Variants in SNX29 observed in about 807,000 individuals in gnomAD.
SNX29 encodes the protein sorting nexin 29, also known as sorting nexin-29.
SNX29 carries 78 observed loss-of-function variants against 102.1 expected under a neutral mutation model. The ratio of observed to expected loss-of-function variants is 0.76; its 90% CI spans 0.64 to 0.92. The LOEUF is 0.92. Ranked by LOEUF, SNX29 falls within the 40% of genes least tolerant of loss-of-function variation. The pLI, the probability that SNX29 is intolerant of heterozygous loss-of-function variation, is 0.00. For synonymous variants in SNX29, 580 were observed against 414.5 expected (o/e 1.40, Z -4.85); for missense variants, 1,280 against 1,061.7 (o/e 1.21, Z -2.86).
intron 15 of SNX29, among the ~76,000 whole-genome samples, chr16:12,281,761 G>A (rs185755800): frequency 2.7e-4 from 41 of 152,222 alleles, no homozygotes; most frequent in African/African-American, 9.6e-4. Flanking sequence ...TTTCCCAAGA[G>A]TCCTTAGCTG....
At chr16:12,227,208 C>T (rs1451688934) in intron 14 of SNX29, among the ~76,000 whole-genome samples, 2 of 152,148 alleles carry the variant, frequency 1.3e-5, no homozygotes, top group Admixed American at 6.5e-5. Context: ...ATTTTACTTC[C>T]CTTGTCATCC....
At chr16:12,366,381 C>T (rs1319969630) in intron 16 of SNX29, among the ~76,000 whole-genome samples, 3 of 152,180 alleles carry the variant, frequency 2.0e-5, no homozygotes, top group East Asian at 3.8e-4. Context: ...TATTTTCCGA[C>T]GAGTGCATCT....
rs1016956274 is a variant in SNX29 at position 12,328,586 on chromosome 16, G to C, written c.1783-27577G>C. On this transcript the variant is annotated intron_variant, in intron 15 of 20. Transcript: ENST00000566228. ...CCAGATTCCTCGTTCTCTGTCCCCA[G>C]AGGCCTTGGTTCTCTGACTTCTCGG... Among the ~76,000 whole-genome samples the C allele has an allele frequency of 2.0e-5, 3 of 152,052 alleles. No individual in the cohort carries two copies. The East Asian group carries it at 5.8e-4, about 29-fold the overall frequency.
rs78494868 is a variant in SNX29, at chr16:12,520,388, A to G, written c.2179-4314A>G. Among the ~76,000 whole-genome samples, 49 of 152,306 alleles carry G rather than the reference A, an allele frequency of 3.2e-4. No individual in the cohort carries two copies. In the East Asian group the frequency reaches 9.5e-3, roughly 29 times the overall value. On this transcript the variant is annotated intron_variant, in intron 19 of 20. Coordinates refer to ENST00000566228, the MANE Select transcript of SNX29 (RefSeq NM_032167.5). ...TGGAAGGCTGAAAGTTGTCTTCTGT[A>G]CTGGGGAGGCTGTCCCTGCTGCCTG... is the stretch of plus-strand genomic sequence containing the variant.
intron 3 of SNX29, among the ~76,000 whole-genome samples, chr16:12,013,515 A>G (rs2056743512): frequency 9.7e-6 from 1 of 102,870 alleles, no homozygotes; most frequent in Non-Finnish European, 2.0e-5. Flanking sequence ...ATATATATAT[A>G]TATATATATA....
intron 13 of SNX29, among the ~76,000 whole-genome samples, chr16:12,152,262 A>G (rs1437414587): frequency 6.6e-6 from 1 of 152,056 alleles, no homozygotes; most frequent in Non-Finnish European, 1.5e-5. Flanking sequence ...AAAGATTCAC[A>G]TCGTAGAATC....
intron 18 of SNX29, among the ~76,000 whole-genome samples, chr16:12,405,482 C>T (rs1344636518): frequency 6.6e-6 from 1 of 152,212 alleles, no homozygotes; most frequent in Non-Finnish European, 1.5e-5. Context: ...CTGGGAGCAA[C>T]TTCACTCCAC....
chr16:12,559,188 AC>A, intron 20 of SNX29, among the ~76,000 whole-genome samples: 1 of 152,098 alleles, frequency 6.6e-6, no homozygotes, highest in African/African-American at 2.4e-5. Context: ...GTACTGGGCT[AC>A]ACAGTGGGTG....
At chr16:12,313,249 G>A (rs2080621913) in intron 15 of SNX29, among the ~76,000 whole-genome samples, 1 of 152,092 alleles carries the variant, frequency 6.6e-6, no homozygotes, top group South Asian at 2.1e-4. Flanking sequence ...CCCAACCTTA[G>A]ATGATCCACC....
At chr16:12,492,057 G>A (rs1389204237) in intron 19 of SNX29, among the ~76,000 whole-genome samples, 1 of 152,204 alleles carries the variant, frequency 6.6e-6, no homozygotes, top group Admixed American at 6.5e-5. Flanking sequence ...TAATGGGATG[G>A]CTGGGTCAGA....
rs936127793 is a variant in SNX29, at chr16:12,158,586, A to G, written c.1595+28828A>G. On this transcript the variant is annotated intron_variant, in intron 13 of 20. Coordinates refer to ENST00000566228, the MANE Select transcript of SNX29 (RefSeq NM_032167.5). ...GTGGTCCATTTGCCTAATGATTCAT[A>G]AGTGCCTCACAGGCCAAGCTCACAT... Among the ~76,000 whole-genome samples the G allele has an allele frequency of 4.6e-5, 7 of 152,316 alleles. No individual in the cohort carries two copies. The East Asian group carries it at 1.4e-3, about 29-fold the overall frequency.
intron 15 of SNX29, among the ~76,000 whole-genome samples, chr16:12,330,615 G>A (rs1048138260): frequency 1.3e-5 from 2 of 152,202 alleles, no homozygotes; most frequent in Non-Finnish European, 2.9e-5. Context: ...TGAAATAGTA[G>A]CCTGAGGTGA....
chr16:12,559,825 C>G (rs934201757), intron 20 of SNX29, among the ~76,000 whole-genome samples: 1 of 152,190 alleles, frequency 6.6e-6, no homozygotes, highest in Admixed American at 6.5e-5. Flanking sequence ...CCATCATCAT[C>G]TCTGGCATTC....
rs192181644 is a variant in SNX29 at position 12,467,608 on chromosome 16, G to C, written c.2038-10111G>C. Among the ~76,000 whole-genome samples the C allele has an allele frequency of 1.3e-3, 186 of 141,412 alleles. 1 individual carries two copies. Among genetic ancestry groups the C allele is most frequent in the East Asian group, 8.8e-4 (4 of 4,552 alleles). The allele number at this position is 141,412 out of a possible 152,430, so 92.8% of individuals were successfully genotyped here. A position where few individuals can be genotyped will look rare whatever the true frequency, so the allele number is the denominator to read the frequency against. Reference sequence around the variant, plus strand: ...GACCTGTTCGTTCATTCGTTTGTTCGTTTGTTCGTTCGTTAGTTCGTTCGT... The same window carrying C: ...GACCTGTTCGTTCATTCGTTTGTTCCTTTGTTCGTTCGTTAGTTCGTTCGT... On this transcript the variant is annotated intron_variant, in intron 18 of 20. Coordinates refer to ENST00000566228, the MANE Select transcript of SNX29 (RefSeq NM_032167.5).
intron 18 of SNX29, among the ~76,000 whole-genome samples, chr16:12,417,131 C>G (rs952351573): frequency 1.3e-5 from 2 of 152,242 alleles, no homozygotes; most frequent in Non-Finnish European, 2.9e-5. Context: ...TTCCATGAGA[C>G]AATCAGGGGC....
chr16:12,460,482 C>T (rs574595815), intron 18 of SNX29, among the ~76,000 whole-genome samples: 1 of 152,108 alleles, frequency 6.6e-6, no homozygotes, highest in Non-Finnish European at 1.5e-5. Context: ...ACCTCCTCCT[C>T]CCCCTGGCCA....
intron 3 of SNX29, among the ~76,000 whole-genome samples, chr16:12,016,160 C>T (rs904171497): frequency 4.6e-5 from 7 of 152,214 alleles, no homozygotes; most frequent in African/African-American, 9.7e-5. Context: ...CCACTGCCCC[C>T]GCCCGGCTAA....
At chr16:12,553,458 G>C (rs548675475) in intron 20 of SNX29, among the ~76,000 whole-genome samples, 61 of 152,224 alleles carry the variant, frequency 4.0e-4, no homozygotes, top group African/African-American at 1.4e-3. Context: ...GTGTAGACCA[G>C]CTCAGACCAG....
At chr16:12,366,370 C>G (rs1003621886) in intron 16 of SNX29, among the ~76,000 whole-genome samples, 1 of 152,234 alleles carries the variant, frequency 6.6e-6, no homozygotes, top group Non-Finnish European at 1.5e-5. Context: ...GGTCATGGAG[C>G]TATTTTCCGA....
Sources: gnomAD v4.1 joint callset for allele counts (sites outside exome capture counted in the v4.1 genomes callset) on GRCh38, gnomAD v4.1.1 for gene constraint, MANE v1.5 for transcripts, NCBI Gene and HGNC (gene_info 2026-07-23, HGNC 2026-07-21) for gene names.